The following IGSF21 variants were observed in gnomAD, a reference collection of about 807,000 sequenced individuals.
The protein encoded by IGSF21 is immunoglobulin superfamily member 21.
IGSF21 carries 28 observed loss-of-function variants against 46.8 expected under a neutral mutation model. That is an observed-to-expected ratio of 0.60 (90% CI 0.44 to 0.82). The LOEUF is 0.82. IGSF21 is among the 40% of genes least tolerant of loss of function. The pLI, the probability that IGSF21 is intolerant of heterozygous loss-of-function variation, is 0.00. For missense variants in IGSF21, 624 were observed against 665.5 expected (o/e 0.94, Z 0.69); for synonymous variants, 284 against 273.6 (o/e 1.04, Z -0.38).
chr1:18,220,793 G>A (rs906573850), intron 1 of IGSF21, among the ~76,000 whole-genome samples: 1 of 152,158 alleles, frequency 6.6e-6, no homozygotes, highest in Admixed American at 6.5e-5. Flanking sequence ...TTAGGGCAGA[G>A]GGACAGCCTG....
In IGSF21 at chr1:18,258,276, T is replaced by A. The variant is rs112332034; in HGVS notation, c.183+30266T>A. Among the ~76,000 whole-genome samples the A allele has an allele frequency of 6.1e-3, 933 of 152,308 alleles. 8 individuals carry two copies. The highest frequency in any genetic ancestry group is 0.021 in the African/African-American group (876 of 41,562). ...GGGGTGTTTGGGGATTAAAGGGACT[T>A]CTGTCTACCACCCTGCCTACTTCTG... On this transcript the variant is annotated intron_variant, in intron 2 of 9. Coordinates refer to ENST00000251296, the MANE Select transcript of IGSF21 (RefSeq NM_032880.5).
At chr1:18,211,624 T>C (rs2084392108) in intron 1 of IGSF21, among the ~76,000 whole-genome samples, 1 of 152,266 alleles carries the variant, frequency 6.6e-6, no homozygotes, top group Non-Finnish European at 1.5e-5. Context: ...TCTGTGTTTA[T>C]GAGGCATTAT....
intron 1 of IGSF21, among the ~76,000 whole-genome samples, chr1:18,177,523 C>G (rs2086814240): frequency 6.6e-6 from 1 of 152,052 alleles, no homozygotes; most frequent in African/African-American, 2.4e-5. Flanking sequence ...GTCTCAGGTT[C>G]TCTCTGATGA....
At chr1:18,155,885 T>G (rs1414224476) in intron 1 of IGSF21, among the ~76,000 whole-genome samples, 1 of 152,064 alleles carries the variant, frequency 6.6e-6, no homozygotes, top group East Asian at 1.9e-4. Context: ...AGCTAAGAAG[T>G]GTGGTCGGTC....
At chr1:18,227,216 G>A (rs1481926644) in intron 1 of IGSF21, among the ~76,000 whole-genome samples, 1 of 152,264 alleles carries the variant, frequency 6.6e-6, no homozygotes. Context: ...AGTATGTGTG[G>A]TGGGAAAGCC....
intron 6 of IGSF21, among the ~76,000 whole-genome samples, chr1:18,371,668 C>T (rs569153523): frequency 6.6e-6 from 1 of 152,092 alleles, no homozygotes; most frequent in South Asian, 2.1e-4. Flanking sequence ...AAATAAATAT[C>T]CATTGATAGA....
intron 4 of IGSF21, among the ~76,000 whole-genome samples, chr1:18,351,556 G>T (rs749118994): frequency 2.6e-5 from 4 of 152,182 alleles, no homozygotes; most frequent in African/African-American, 4.8e-5. Flanking sequence ...ACTGCTCTCT[G>T]GGGGGAGGAC....
At chr1:18,331,974 C>T (rs1415116074) in intron 3 of IGSF21, among the ~76,000 whole-genome samples, 2 of 152,098 alleles carry the variant, frequency 1.3e-5, no homozygotes, top group Admixed American at 6.5e-5. Context: ...CTCCTTCAAT[C>T]GATGGTAGAA....
intron 2 of IGSF21, among the ~76,000 whole-genome samples, chr1:18,258,181 G>A (rs1407100042): frequency 6.6e-6 from 1 of 152,148 alleles, no homozygotes; most frequent in Non-Finnish European, 1.5e-5. Context: ...AAAGACAGAA[G>A]GGATGGGAGA....
chr1:18,285,899 G>A (rs569363670), intron 2 of IGSF21, among the ~76,000 whole-genome samples: 23 of 152,226 alleles, frequency 1.5e-4, no homozygotes, highest in East Asian at 1.4e-3. Flanking sequence ...TGTTATTCCC[G>A]TCATGCTATT....
chr1:18,318,706 C>T (rs756845294), intron 3 of IGSF21, among the ~76,000 whole-genome samples: 10 of 152,166 alleles, frequency 6.6e-5, no homozygotes, highest in Non-Finnish European at 1.5e-4. Flanking sequence ...CCAGACCTTG[C>T]TTACAAACCA....
intron 2 of IGSF21, among the ~76,000 whole-genome samples, chr1:18,238,762 G>A (rs11260964): frequency 0.8 from 121,216 of 152,086 alleles, 52,468 homozygotes; most frequent in Non-Finnish European, 0.98. Context: ...CACACTGATG[G>A]CTCAGCTCAC....
chr1:18,368,541 A>G (rs2086191416), intron 6 of IGSF21, among the ~76,000 whole-genome samples: 1 of 86,466 alleles, frequency 1.2e-5, no homozygotes, highest in African/African-American at 3.8e-5. Context: ...GGGGGGAAAA[A>G]AGATATTACA....
chr1:18,234,479 G>A (rs1036465036), intron 2 of IGSF21, among the ~76,000 whole-genome samples: 6 of 152,130 alleles, frequency 3.9e-5, no homozygotes, highest in South Asian at 2.1e-4. Context: ...ATCTGTATTC[G>A]TCTGTTCTTA....
chr1:18,365,757 T>A lies in IGSF21; in HGVS notation c.1015+60T>A. The stretch of plus-strand genomic sequence containing the variant: ...TGCAGACCTGGGTGTGGGGAGAGCC[T>A]TGGAATAGGGTTCCTGGGCTGAGGA... On this transcript the variant is annotated intron_variant, in intron 6 of 9. Coordinates refer to ENST00000251296, the MANE Select transcript of IGSF21 (RefSeq NM_032880.5). The surrounding 1 kb of genome is among the most constrained non-coding windows in gnomAD (Gnocchi z 4.8). The A allele has an allele frequency of 7.1e-7, 1 of 1,412,202 alleles. No individual in the cohort carries two copies. Among genetic ancestry groups the A allele is most frequent in the East Asian group, 2.4e-5 (1 of 42,300 alleles). The allele number at this position is 1,412,202 out of a possible 1,614,324, so 87.5% of individuals were successfully genotyped here. A position where few individuals can be genotyped will look rare whatever the true frequency, so the allele number is the denominator to read the frequency against.
chr1:18,272,428 C>T (rs1335034481), intron 2 of IGSF21, among the ~76,000 whole-genome samples: 7 of 152,304 alleles, frequency 4.6e-5, no homozygotes, highest in Non-Finnish European at 7.4e-5. Flanking sequence ...TCCTCATCTG[C>T]GTGGAATAAG....
At chr1:18,199,137 G>GC (rs1004495904) in intron 1 of IGSF21, among the ~76,000 whole-genome samples, 5 of 152,014 alleles carry the variant, frequency 3.3e-5, no homozygotes, top group African/African-American at 1.2e-4. Context: ...GTTTTGCAAG[G>GC]CCCCCCGGTA....
intron 2 of IGSF21, among the ~76,000 whole-genome samples, chr1:18,270,327 T>C (rs1427146066): frequency 6.6e-6 from 1 of 152,198 alleles, no homozygotes; most frequent in Non-Finnish European, 1.5e-5. Flanking sequence ...TCCCTTATAA[T>C]GGTTTCGTTC....
At chr1:18,237,407 C>T (rs989996055) in intron 2 of IGSF21, among the ~76,000 whole-genome samples, 3 of 152,188 alleles carry the variant, frequency 2.0e-5, no homozygotes, top group African/African-American at 7.2e-5. Context: ...TTGTTAAGTT[C>T]TGTTTCATCA....
Sources: allele counts gnomAD v4.1 joint callset (sites outside exome capture counted in the v4.1 genomes callset), GRCh38; gene constraint gnomAD v4.1.1; non-coding constraint Gnocchi (gnomAD v3.1); transcripts MANE v1.5; gene names NCBI Gene and HGNC (gene_info 2026-07-23, HGNC 2026-07-21).